ZNF550: variants seen among roughly 807,000 people sequenced by gnomAD.
ZNF550 encodes the protein zinc finger protein 550.
A neutral mutation model predicts 40.2 loss-of-function variants in ZNF550; 42 were observed. That is an observed-to-expected ratio of 1.05 (90% CI 0.82 to 1.35). The LOEUF (loss-of-function observed/expected upper bound fraction) is 1.35. Ranked by LOEUF, ZNF550 falls within the 40% of genes most tolerant of loss-of-function variation. ZNF550 has a pLI of 0.00. For missense variants in ZNF550, 549 were observed against 525.2 expected (o/e 1.05, Z -0.44); for synonymous variants, 223 against 198.6 (o/e 1.12, Z -1.03).
At chr19:57,552,850 G>C in intron 2 of ZNF550, 128 bp from the exon 3 acceptor site, 1 of 645,912 alleles carries the variant, frequency 1.5e-6, no homozygotes, top group Non-Finnish European at 2.7e-6. Flanking sequence ...GCAAAATGCT[G>C]ATGTGAGCCC....
intron 4 of ZNF550, chr19:57,543,507 G>T: frequency 1.6e-6 from 1 of 607,154 alleles, no homozygotes; most frequent in Non-Finnish European, 2.1e-6. Context: ...TGATTGAAGT[G>T]CACCAACTGT....
At chr19:57,547,010 A>G (rs1459073897) in exon 4 of ZNF550, 4 of 1,613,284 alleles carry the variant, frequency 2.5e-6, no homozygotes, top group Middle Eastern at 1.7e-4. Context: ...AGAAGGTGTG[A>G]CCTGCGTTTG....
exon 4 of ZNF550, chr19:57,547,238 T>A: frequency 6.2e-7 from 1 of 1,614,140 alleles, no homozygotes; most frequent in East Asian, 2.2e-5. Context: ...CCAGTGTGGA[T>A]GATGTAATGT....
At chr19:57,545,179 G>C (rs745336857) in intron 4 of ZNF550, among the ~76,000 whole-genome samples, 1 of 152,196 alleles carries the variant, frequency 6.6e-6, no homozygotes, top group Non-Finnish European at 1.5e-5. Context: ...CTAAGGTCAT[G>C]GTGGTTAACT....
chr19:57,542,458 A>C (rs1343875393), exon 5 of ZNF550: 2 of 151,942 alleles, frequency 1.3e-5, no homozygotes, highest in Non-Finnish European at 2.9e-5. Context: ...GAGGAAATAC[A>C]TGTCCATAAT....
rs1361820378 is a variant in ZNF550 at position 57,547,867 on chromosome 19, G to C, written c.377C>G (p.Ala126Gly). 3.1e-6 allele frequency: 5 copies of C among 1,613,926 alleles called. No homozygotes were observed. In the East Asian group the frequency reaches 1.1e-4, roughly 36 times the overall value. ...TTCCAAAAGCCCTTCCTCATCCCTAGCTCTCCCCAACCTCGAATCACTTGA... is the reference window on the plus strand; with the variant it reads ...TTCCAAAAGCCCTTCCTCATCCCTACCTCTCCCCAACCTCGAATCACTTGA... The change falls in exon 4 of 5, where the codon GCT becomes GGT. Residue 126 changes from alanine to glycine, a missense_variant. Ala to Gly is a moderately conservative substitution (Grantham distance 60). Coordinates refer to ENST00000457177, the Ensembl canonical transcript of ZNF550.
chr19:57,559,904 C>T, upstream of ZNF550: 2 of 428,930 alleles, frequency 4.7e-6, no homozygotes, highest in Non-Finnish European at 8.3e-6. Context: ...TTTCCTGCGC[C>T]GGCCCACTGC....
At chr19:57,552,770 G>A in intron 2 of ZNF550, 48 bp from the exon 3 acceptor site, 2 of 1,415,396 alleles carry the variant, frequency 1.4e-6, no homozygotes, top group Non-Finnish European at 2.0e-6. Flanking sequence ...ATGAGAAAAT[G>A]AAAGTCTCTC....
chr19:57,559,879 T>C, upstream of ZNF550: 1 of 444,294 alleles, frequency 2.3e-6, no homozygotes, highest in Non-Finnish European at 3.9e-6. Flanking sequence ...TGTGTCGCGG[T>C]CGCCTGCCAC....
intron 4 of ZNF550, chr19:57,543,811 G>A (rs1413885749): frequency 3.0e-5 from 12 of 400,060 alleles, no homozygotes; most frequent in African/African-American, 2.2e-4. Context: ...GGTGGTGGGC[G>A]CCTGTAATCC....
chr19:57,544,712 T>G (rs1249690955), intron 4 of ZNF550: 1 of 606,990 alleles, frequency 1.6e-6, no homozygotes, highest in Non-Finnish European at 2.1e-6. Flanking sequence ...TTTAAAAGGT[T>G]GTGAGGAAAG....
At chr19:57,547,325 T>C in exon 4 of ZNF550, 1 of 1,614,140 alleles carries the variant, frequency 6.2e-7, no homozygotes, top group Non-Finnish European at 8.5e-7. Flanking sequence ...GTGTGGGTCC[T>C]ATTATGGCGA....
At chr19:57,549,588 G>A (rs927969233) in intron 3 of ZNF550, among the ~76,000 whole-genome samples, 1 of 152,214 alleles carries the variant, frequency 6.6e-6, no homozygotes, top group South Asian at 2.1e-4. Context: ...AGTCCTAAAA[G>A]AGAAGCCAGA....
chr19:57,546,400 C>G (rs1599888554), intron 4 of ZNF550: 8 of 839,914 alleles, frequency 9.5e-6, no homozygotes, highest in Non-Finnish European at 1.1e-5. Context: ...ATTCCCCTAC[C>G]AAAAAATAAA....
chr19:57,559,454 C>G (rs2090150823), intron 1 of ZNF550, among the ~76,000 whole-genome samples: 1 of 152,212 alleles, frequency 6.6e-6, no homozygotes, highest in Non-Finnish European at 1.5e-5. Flanking sequence ...TACCACAACG[C>G]CGCGCACCCC....
At chr19:57,559,581 A>G (rs1423462885) in intron 1 of ZNF550, 75 bp downstream of exon 1, 12 of 1,392,708 alleles carry the variant, frequency 8.6e-6, no homozygotes, top group Non-Finnish European at 1.1e-5. Flanking sequence ...ACGACCCTGA[A>G]ACGCCGTCCT....
exon 4 of ZNF550, chr19:57,547,521 G>A: frequency 1.2e-6 from 2 of 1,614,138 alleles, no homozygotes; most frequent in South Asian, 1.1e-5. Context: ...TTGAGCTCTG[G>A]CTAAAGGCTT....
At chr19:57,560,312 G>A (rs2090159076), upstream of ZNF550, among the ~76,000 whole-genome samples, 1 of 152,220 alleles carries the variant, frequency 6.6e-6, no homozygotes, top group African/African-American at 2.4e-5. Flanking sequence ...CCATTCCCGG[G>A]ACATGCTCGT....
chr19:57,554,135 G>A lies in ZNF550; in HGVS notation c.155-1413C>T, dbSNP rs1272408005. The stretch of plus-strand genomic sequence containing the variant: ...AGAGGCTGCAGTGAGCTGAGATCAT[G>A]GCACTGCACTTCAGCCTGAATGACA... On this transcript the variant is annotated intron_variant, in intron 2 of 4. Coordinates refer to ENST00000457177, the Ensembl canonical transcript of ZNF550. This position sits in a 1 kb window ranked among gnomAD's most constrained non-coding sequence, Gnocchi z 4.5. 2.0e-5 allele frequency: 3 copies of A among 152,190 alleles called. No individual in the cohort carries two copies. The highest frequency in any genetic ancestry group is 4.1e-4 in the South Asian group (2 of 4,834). The allele number at this position is 152,190 out of a possible 1,614,324, so 9.4% of individuals were successfully genotyped here. A position where few individuals can be genotyped will look rare whatever the true frequency, so the allele number is the denominator to read the frequency against.
Sources: allele counts gnomAD v4.1 joint callset (sites outside exome capture counted in the v4.1 genomes callset), GRCh38; gene constraint gnomAD v4.1.1; non-coding constraint Gnocchi (gnomAD v3.1); transcripts MANE v1.5; gene names NCBI Gene and HGNC (gene_info 2026-07-23, HGNC 2026-07-21).